ACTN2: variants seen among roughly 807,000 people sequenced by gnomAD.
ACTN2 encodes the protein alpha-actinin-2.
Under a neutral mutation model 113.8 loss-of-function variants are expected in ACTN2, and 39 were observed. The ratio of observed to expected loss-of-function variants is 0.34; its 90% CI spans 0.27 to 0.45. The LOEUF is 0.45. Ranked by LOEUF, ACTN2 falls within the 20% of genes least tolerant of loss-of-function variation. ACTN2 has a pLI of 1.00. For missense variants in ACTN2, 992 were observed against 1,177.9 expected, an observed-to-expected ratio of 0.84 and a Z score of 2.31; for synonymous variants, 429 against 444.1, an observed-to-expected ratio of 0.97 and a Z score of 0.43.
chr1:236,749,671 C>T (rs893741172), intron 14 of ACTN2, among the ~76,000 whole-genome samples: 6 of 152,058 alleles, frequency 3.9e-5, no homozygotes, highest in African/African-American at 1.4e-4. Context: ...TGTGGTGGTG[C>T]ACGCCTGGAG....
intron 14 of ACTN2, among the ~76,000 whole-genome samples, chr1:236,749,566 G>A (rs1659335715): frequency 1.3e-5 from 2 of 152,274 alleles, no homozygotes; most frequent in Middle Eastern, 3.4e-3. Context: ...GGAGGCTGAG[G>A]CGGGTGGATT....
At chr1:236,758,817 T>C (rs556402157) in intron 18 of ACTN2, among the ~76,000 whole-genome samples, 1 of 152,174 alleles carries the variant, frequency 6.6e-6, no homozygotes, top group African/African-American at 2.4e-5. Context: ...AACAGGGTTT[T>C]ACTATGTTGG....
intron 1 of ACTN2, among the ~76,000 whole-genome samples, chr1:236,690,827 T>G (rs746208687): frequency 6.6e-6 from 1 of 152,172 alleles, no homozygotes; most frequent in Non-Finnish European, 1.5e-5. Flanking sequence ...CTATTCACAT[T>G]GTTGTACAAC....
chr1:236,752,529 T>C (rs1284103230), intron 15 of ACTN2, among the ~76,000 whole-genome samples: 1 of 149,218 alleles, frequency 6.7e-6, no homozygotes, highest in Non-Finnish European at 1.5e-5. Context: ...GGAGGAAATA[T>C]ATCATTTTTT....
At chr1:236,746,607 A>C (rs1189942804) in intron 12 of ACTN2, among the ~76,000 whole-genome samples, 2 of 151,934 alleles carry the variant, frequency 1.3e-5, no homozygotes, top group Non-Finnish European at 2.9e-5. Context: ...TTGGGAGCCT[A>C]AGACAGGAGG....
At chr1:236,741,554 A>G (rs1659067497) in intron 10 of ACTN2, among the ~76,000 whole-genome samples, 1 of 152,226 alleles carries the variant, frequency 6.6e-6, no homozygotes, top group Admixed American at 6.5e-5. Flanking sequence ...CCCAGGTTTC[A>G]TCCTTGATTC....
chr1:236,718,589 G>A (rs982936397), intron 2 of ACTN2, among the ~76,000 whole-genome samples: 2 of 152,128 alleles, frequency 1.3e-5, no homozygotes, highest in Non-Finnish European at 2.9e-5. Flanking sequence ...AATACTCCAG[G>A]GACTCTAACC....
chr1:236,731,683 A>G (rs1052138534), intron 7 of ACTN2, among the ~76,000 whole-genome samples: 8 of 152,248 alleles, frequency 5.3e-5, no homozygotes, highest in African/African-American at 1.7e-4. Flanking sequence ...CAAGTGTAGC[A>G]AATAAATCCC....
chr1:236,742,759 G>A, intron 10 of ACTN2, 137 bp from the exon 11 acceptor site: 1 of 1,021,854 alleles, frequency 9.8e-7, no homozygotes, highest in Non-Finnish European at 1.5e-6. Flanking sequence ...TGAGGTGGGG[G>A]GTAAGGAAGG....
intron 4 of ACTN2, among the ~76,000 whole-genome samples, chr1:236,721,409 A>T (rs901006907): frequency 5.3e-5 from 8 of 152,110 alleles, no homozygotes; most frequent in African/African-American, 1.7e-4. Context: ...AGCCTGCAGT[A>T]CTTGCCCTTA....
At chr1:236,698,547 G>A (rs1657585393) in intron 1 of ACTN2, among the ~76,000 whole-genome samples, 1 of 152,188 alleles carries the variant, frequency 6.6e-6, no homozygotes, top group Non-Finnish European at 1.5e-5. Flanking sequence ...GTGTTTTATA[G>A]ACTGTAATAT....
Position 236,741,861 on chromosome 1 carries a change from T to C in ACTN2, c.1108-1035T>C, listed in dbSNP as rs374637174. On this transcript the variant is annotated intron_variant, in intron 10 of 20. Transcript: ENST00000366578. ...AACCCTCCAGTGACTCCCCAAAGTATTGAGAGTAAAATCCATTTTCATTAT... is the reference window on the plus strand; with the variant it reads ...AACCCTCCAGTGACTCCCCAAAGTACTGAGAGTAAAATCCATTTTCATTAT... 2.6e-5 allele frequency among the ~76,000 whole-genome samples: 4 copies of C among 152,206 alleles called. No homozygotes were observed. In the East Asian group the frequency reaches 7.7e-4, roughly 29 times the overall value.
At chr1:236,735,589 GGTGT>G in intron 7 of ACTN2, 42 bp from the exon 8 acceptor site, 1 of 1,431,960 alleles carries the variant, frequency 7.0e-7, no homozygotes, top group Non-Finnish European at 9.9e-7. Flanking sequence ...GTATGTGTGT[GGTGT>G]GTGTGTGTGC....
In ACTN2 at chr1:236,762,991, A is replaced by G. The variant is rs1337906172; in HGVS notation, c.*372A>G. ...ACCCAAGATTTAAGACCGGGGGGAA[A>G]AAACCACAAATTGGTAAATAAAGGT... On this transcript the variant is annotated 3_prime_UTR_variant, in exon 21 of 21. Transcript: ENST00000366578. 1.2e-5 allele frequency: 4 copies of G among 322,946 alleles called. No homozygotes were observed. Among genetic ancestry groups the G allele is most frequent in the South Asian group, 8.1e-5 (3 of 36,958 alleles). The allele number at this position is 322,946 out of a possible 1,614,324, so 20.0% of individuals were successfully genotyped here.
intron 15 of ACTN2, 77 bp from the exon 16 acceptor site, chr1:236,753,870 A>AAAAATACC: frequency 9.2e-7 from 1 of 1,088,472 alleles, no homozygotes; most frequent in African/African-American, 1.9e-5. Flanking sequence ...CACCCCTTGG[A>AAAAATACC]CTATTCCCGC....
chr1:236,754,921 G>A lies in ACTN2; in HGVS notation c.1975-98G>A. The A allele has an allele frequency of 7.0e-6, 10 of 1,436,550 alleles. No individual in the cohort carries two copies. The South Asian group carries it at 1.2e-4, about 17-fold the overall frequency. 89.0% of individuals were successfully genotyped at this position (1,436,550 alleles called of 1,614,324 possible). On this transcript the variant is annotated intron_variant, in intron 16 of 20. Coordinates refer to ENST00000366578, the MANE Select transcript of ACTN2 (RefSeq NM_001103.4). The surrounding 1 kb of genome is among the most constrained non-coding windows in gnomAD (Gnocchi z 4.9). ...CTGGCCGCTGCCTGACGCTGGCCTAGCATCCCATGCAGGGTCTGGAACGGC... is the reference window on the plus strand; with the variant it reads ...CTGGCCGCTGCCTGACGCTGGCCTAACATCCCATGCAGGGTCTGGAACGGC...
intron 1 of ACTN2, among the ~76,000 whole-genome samples, chr1:236,715,119 C>T (rs1652228): frequency 0.84 from 126,884 of 151,680 alleles, 53,245 homozygotes; most frequent in Non-Finnish European, 0.87. Context: ...ATGGATTTTT[C>T]TTTGAACCCT....
At chr1:236,753,860 C>CCCCCCTTGG in intron 15 of ACTN2, 87 bp from the exon 16 acceptor site, 1 of 1,320,866 alleles carries the variant, frequency 7.6e-7, no homozygotes. Context: ...CTCCCACCCC[C>CCCCCCTTGG]ACCCCTTGGA....
rs201335965 is a variant in ACTN2, at chr1:236,762,486, G to A, written c.2552G>A (p.Arg851His). ...DKPYILAEELRRELPPDQAQY... is the reference protein window; with the variant it reads ...DKPYILAEELHRELPPDQAQY... The stretch of plus-strand genomic sequence containing the variant: ...CCATACATCCTGGCGGAGGAGCTGC[G>A]TCGGGAGCTGCCCCCGGATCAGGCC... Residue 851 changes from arginine (R) to histidine (H), a missense_variant, in exon 21 of 21, where the codon CGT becomes CAT. Arg to His is a conservative substitution (Grantham distance 29, BLOSUM62 0). This residue lies in a region of ACTN2 where 736 missense variants were observed against 815.4 expected (regional missense o/e 0.90). Coordinates refer to ENST00000366578, the MANE Select transcript of ACTN2 (RefSeq NM_001103.4). 85 of 1,614,026 alleles carry A rather than the reference G, an allele frequency of 5.3e-5. 1 individual carries two copies. Among genetic ancestry groups the A allele is most frequent in the Admixed American group, 8.3e-5 (5 of 60,004 alleles).
Sources: allele counts gnomAD v4.1 joint callset (sites outside exome capture counted in the v4.1 genomes callset), GRCh38; gene constraint gnomAD v4.1.1; regional missense constraint gnomAD v4.1.1; non-coding constraint Gnocchi (gnomAD v3.1); transcripts MANE v1.5; gene names NCBI Gene and HGNC (gene_info 2026-07-23, HGNC 2026-07-21).